The following STYK1 variants were observed in gnomAD, a reference collection of about 807,000 sequenced individuals.
The protein encoded by STYK1 is tyrosine-protein kinase STYK1.
A neutral mutation model predicts 48.1 loss-of-function variants in STYK1; 46 were observed. The ratio of observed to expected loss-of-function variants is 0.96; its 90% CI spans 0.75 to 1.22. STYK1 has a LOEUF of 1.22. Ranked by LOEUF, STYK1 falls within the 50% of genes most tolerant of loss-of-function variation. The pLI, the probability that STYK1 is intolerant of heterozygous loss-of-function variation, is 0.00. For synonymous variants in STYK1, 188 were observed against 189.0 expected, an observed-to-expected ratio of 0.99 and a Z score of 0.04; for missense variants, 527 against 521.1, an observed-to-expected ratio of 1.01 and a Z score of -0.11.
In STYK1 at chr12:10,629,568, T is replaced by A; in HGVS notation, c.558A>T (p.Glu186Asp). The A allele has an allele frequency of 6.2e-7, 1 of 1,614,158 alleles. No individual in the cohort carries two copies. Among genetic ancestry groups the A allele is most frequent in the Non-Finnish European group, 8.5e-7 (1 of 1,180,032 alleles). ...CCAACACCATATAGAGTGGCAGCTT[T>A]TCAGTGCAGCAGCCTTCCAGCTGCA... ...NLVQLEGCCT[E>D]KLPLYMVLED... The change falls in exon 6 of 11, where the codon GAA becomes GAT. Residue 186 changes from glutamate to aspartate, a missense_variant. Transcript: ENST00000075503.
intron 8 of STYK1, 40 bp downstream of exon 8, chr12:10,624,611 C>T: frequency 6.3e-7 from 1 of 1,586,342 alleles, no homozygotes; most frequent in Non-Finnish European, 8.6e-7. Flanking sequence ...ACACCCAAGT[C>T]ATGAAGAAAG....
intron 3 of STYK1, 84 bp from the exon 4 acceptor site, chr12:10,634,208 C>T: frequency 6.8e-7 from 1 of 1,479,050 alleles, no homozygotes; most frequent in Non-Finnish European, 9.2e-7. Context: ...CGCCAGCTCT[C>T]AGCTCATCAT....
chr12:10,643,786 CA>C (rs1417026441), intron 1 of STYK1, among the ~76,000 whole-genome samples: 3 of 152,256 alleles, frequency 2.0e-5, no homozygotes, highest in Non-Finnish European at 4.4e-5. Context: ...GATACATTCT[CA>C]TAACTGGAAG....
chr12:10,633,855 A>T (rs1261029866), intron 4 of STYK1, 135 bp downstream of exon 4: 1 of 1,066,564 alleles, frequency 9.4e-7, no homozygotes, highest in African/African-American at 1.6e-5. Flanking sequence ...TCTCAACTCC[A>T]TGGGAGGGAA....
At chr12:10,648,610 ATTAT>A (rs549570751) in intron 1 of STYK1, among the ~76,000 whole-genome samples, 3 of 151,864 alleles carry the variant, frequency 2.0e-5, no homozygotes, top group African/African-American at 4.8e-5. Context: ...AAGACAAAAT[ATTAT>A]TTATTTATTT....
intron 1 of STYK1, among the ~76,000 whole-genome samples, chr12:10,648,899 CTAAA>C (rs1271117727): frequency 6.6e-6 from 1 of 152,082 alleles, no homozygotes; most frequent in Non-Finnish European, 1.5e-5. Flanking sequence ...TGTTTATTCC[CTAAA>C]TAGTTTTATT....
chr12:10,654,902 C>T (rs1270839204), intron 1 of STYK1, among the ~76,000 whole-genome samples: 10 of 152,086 alleles, frequency 6.6e-5, no homozygotes, highest in Admixed American at 5.9e-4. Context: ...CTTTTTTCTC[C>T]CCAAAGTGGG....
rs544140513 is a variant in STYK1, at chr12:10,656,120, G to A, written c.-195+17846C>T. On this transcript the variant is annotated intron_variant, in intron 1 of 10. Transcript: ENST00000075503. Reference sequence around the variant, plus strand: ...GTTCTTGTGATACTGAATAAGTCTCGTGAGACCTGATAGTTTTAAAAGTGG... The same window carrying A: ...GTTCTTGTGATACTGAATAAGTCTCATGAGACCTGATAGTTTTAAAAGTGG... Among the ~76,000 whole-genome samples, 14 of 152,228 alleles carry A rather than the reference G, an allele frequency of 9.2e-5. 1 individual carries two copies. In the South Asian group the frequency reaches 2.1e-3, roughly 23 times the overall value.
At position 10,631,288 on chromosome 12, in the gene STYK1, G is replaced by A. The variant is rs1431387160; in HGVS notation, c.208C>T (p.Pro70Ser). 1.2e-6 allele frequency: 2 copies of A among 1,614,068 alleles called. No homozygotes were observed. The highest frequency in any genetic ancestry group is 2.2e-5 in the East Asian group (1 of 44,900). The change falls in exon 5 of 11, where the codon CCT becomes TCT. Residue 70 changes from proline (P) to serine (S), a missense_variant. By Grantham distance (74) the Pro-to-Ser change is moderately conservative. Coordinates refer to ENST00000075503, the MANE Select transcript of STYK1 (RefSeq NM_018423.3). ...CCTGCTTCCCAGCTTAGGTCCCTAG[G>A]TGGAGGAACAGGGGCAATGCCTAGA... is the stretch of plus-strand genomic sequence containing the variant. ...GPQGIAPVPP[P>S]RDLSWEAGHG...
intron 1 of STYK1, among the ~76,000 whole-genome samples, chr12:10,655,867 G>T (rs1233737423): frequency 6.6e-6 from 1 of 152,206 alleles, no homozygotes. Context: ...TTAATTAAAA[G>T]AAGATATATG....
chr12:10,629,655 C>T lies in STYK1; in HGVS notation c.471G>A (p.Glu157=). ...KALKEPAGLH[E]VQDFLGRIQF... Reference sequence around the variant, plus strand: ...GGATTCGCCCTAAGAAATCTTGTACCTCATGGAGCCCAGCTGGTTCTGTAG... The same window carrying T: ...GGATTCGCCCTAAGAAATCTTGTACTTCATGGAGCCCAGCTGGTTCTGTAG... Residue 157 remains glutamate, a synonymous_variant, in exon 6 of 11, where the codon GAG becomes GAA. Coordinates refer to ENST00000075503, the MANE Select transcript of STYK1 (RefSeq NM_018423.3). The T allele has an allele frequency of 6.2e-7, 1 of 1,614,110 alleles. No individual in the cohort carries two copies.
chr12:10,639,944 G>A (rs561374424), intron 1 of STYK1, among the ~76,000 whole-genome samples: 1 of 152,292 alleles, frequency 6.6e-6, no homozygotes, highest in South Asian at 2.1e-4. Context: ...AAGAATGGAT[G>A]AATTGAATCT....
At chr12:10,673,078 T>C (rs61912184) in intron 1 of STYK1, among the ~76,000 whole-genome samples, 2,092 of 151,612 alleles carry the variant, frequency 0.014, 33 homozygotes, top group South Asian at 0.038. Context: ...GAGGACCCAT[T>C]ACAGAAGGAA....
At chr12:10,670,194 C>T (rs1307998281) in intron 1 of STYK1, among the ~76,000 whole-genome samples, 1 of 152,124 alleles carries the variant, frequency 6.6e-6, no homozygotes, top group Non-Finnish European at 1.5e-5. Flanking sequence ...TACTTTTATT[C>T]TGAAGGCTCA....
intron 1 of STYK1, among the ~76,000 whole-genome samples, chr12:10,655,679 T>C (rs1947710447): frequency 6.6e-6 from 1 of 152,200 alleles, no homozygotes; most frequent in South Asian, 2.1e-4. Context: ...ATCATCTCTT[T>C]TAAAATACTG....
chr12:10,630,576 T>C (rs1027795499), intron 5 of STYK1, among the ~76,000 whole-genome samples: 3 of 150,210 alleles, frequency 2.0e-5, no homozygotes, highest in Non-Finnish European at 4.4e-5. Context: ...GAATCTAGGA[T>C]GCAAAGATGT....
At chr12:10,627,749 A>G in intron 6 of STYK1, 25 bp from the exon 7 acceptor site, 1 of 1,582,842 alleles carries the variant, frequency 6.3e-7, no homozygotes, top group African/African-American at 1.4e-5. Context: ...AAAAAAAGCC[A>G]TTATATCAAA....
At chr12:10,632,029 A>G (rs142067766) in intron 4 of STYK1, among the ~76,000 whole-genome samples, 4 of 152,196 alleles carry the variant, frequency 2.6e-5, no homozygotes, top group East Asian at 1.9e-4. Flanking sequence ...ATAATATATC[A>G]AGCAATTAAT....
chr12:10,644,281 A>G (rs1947576597), intron 1 of STYK1, among the ~76,000 whole-genome samples: 1 of 152,232 alleles, frequency 6.6e-6, no homozygotes, highest in Admixed American at 6.5e-5. Flanking sequence ...GAGTCTATAC[A>G]TGTGATAAAA....
Sources: allele counts gnomAD v4.1 joint callset (sites outside exome capture counted in the v4.1 genomes callset), GRCh38; gene constraint gnomAD v4.1.1; transcripts MANE v1.5; gene names NCBI Gene and HGNC (gene_info 2026-07-23, HGNC 2026-07-21).